The following DCDC2C variants were observed in gnomAD, a reference collection of about 807,000 sequenced individuals.
DCDC2C encodes doublecortin domain containing 2C.
DCDC2C carries 44 observed loss-of-function variants against 45.0 expected under a neutral mutation model. The observed-to-expected ratio is 0.98, with a 90% CI of 0.77 to 1.26. The LOEUF is 1.26. Ranked by LOEUF, DCDC2C falls within the 50% of genes most tolerant of loss-of-function variation. The probability of loss-of-function intolerance (pLI) is 0.00; values close to 1 mark genes in which losing one functional copy is unlikely to be tolerated. For synonymous variants in DCDC2C, 187 were observed against 178.8 expected (o/e 1.05, Z -0.37); for missense variants, 447 against 468.9 (o/e 0.95, Z 0.43).
At chr2:3,763,764 A>G (rs886631965) in intron 6 of DCDC2C, among the ~76,000 whole-genome samples, 1 of 152,186 alleles carries the variant, frequency 6.6e-6, no homozygotes, top group Non-Finnish European at 1.5e-5. Context: ...TGGGCTGGAC[A>G]CAAAACCAAG....
At position 3,837,622 on chromosome 2, in the gene DCDC2C, A is replaced by ATACAGAAACAAGAG. The variant is rs1558249632; in HGVS notation, c.1066-9532_1066-9531insTACAGAAACAAGAG. 1.6e-5 allele frequency among the ~76,000 whole-genome samples: 2 copies of ATACAGAAACAAGAG among 124,482 alleles called. 1 individual carries two copies. Among genetic ancestry groups the ATACAGAAACAAGAG allele is most frequent in the Non-Finnish European group, 3.7e-5 (2 of 53,998 alleles). 81.7% of individuals were successfully genotyped at this position (124,482 alleles called of 152,430 possible). ...TCATCTAAAGGGGAAGAAACTGAGG[A>ATACAGAAACAAGAG]AGAAATCAGCCTTTGGCTCCCCCTT... On this transcript the variant is annotated intron_variant, in intron 10 of 10. Coordinates refer to ENST00000399143, the MANE Select transcript of DCDC2C (RefSeq NM_001287444.2).
At chr2:3,768,033 A>G (rs915804816) in intron 7 of DCDC2C, among the ~76,000 whole-genome samples, 153 bp downstream of exon 7, 3 of 151,854 alleles carry the variant, frequency 2.0e-5, no homozygotes, top group African/African-American at 7.3e-5. Flanking sequence ...GCTTGTAGGT[A>G]GTTCAGTAGT....
intron 1 of DCDC2C, among the ~76,000 whole-genome samples, chr2:3,705,600 G>C (rs2148036168): frequency 6.6e-6 from 1 of 152,274 alleles, no homozygotes; most frequent in African/African-American, 2.4e-5. Flanking sequence ...TTACATGTTA[G>C]CAAATGAGGA....
intron 3 of DCDC2C, among the ~76,000 whole-genome samples, chr2:3,729,702 G>T (rs530878065): frequency 6.6e-6 from 1 of 152,338 alleles, no homozygotes; most frequent in East Asian, 1.9e-4. Flanking sequence ...AAACGTGTCT[G>T]CATGGCAAGA....
At chr2:3,756,423 G>A (rs967424695) in intron 6 of DCDC2C, among the ~76,000 whole-genome samples, 3 of 152,186 alleles carry the variant, frequency 2.0e-5, no homozygotes, top group African/African-American at 7.2e-5. Context: ...TTCTTTCCCA[G>A]TAACTAACAG....
chr2:3,819,849 C>T lies in DCDC2C; in HGVS notation c.1066-27305C>T, dbSNP rs114100004. On this transcript the variant is annotated intron_variant, in intron 10 of 10. Coordinates refer to ENST00000399143, the MANE Select transcript of DCDC2C (RefSeq NM_001287444.2). Reference sequence around the variant, plus strand: ...TGGGCAGGTGGGGGAGGGCTAGTCACGGGACGAAACTGTAAGCCAGACTGG... The same window carrying T: ...TGGGCAGGTGGGGGAGGGCTAGTCATGGGACGAAACTGTAAGCCAGACTGG... Among the ~76,000 whole-genome samples the T allele has an allele frequency of 9.3e-3, 1,410 of 152,268 alleles. 24 individuals carry two copies. The highest frequency in any genetic ancestry group is 0.031 in the African/African-American group (1,290 of 41,552).
At chr2:3,834,503 C>T (rs1233166130) in intron 10 of DCDC2C, among the ~76,000 whole-genome samples, 1 of 152,212 alleles carries the variant, frequency 6.6e-6, no homozygotes, top group East Asian at 1.9e-4. Flanking sequence ...CTCCAGACAT[C>T]TTTCTGCTCC....
At position 3,835,750 on chromosome 2, in the gene DCDC2C, C is replaced by CT. The variant is rs767073694; in HGVS notation, c.1066-11394dup. 9.9e-3 allele frequency among the ~76,000 whole-genome samples: 1,472 copies of CT among 148,294 alleles called. 22 individuals carry two copies. Among genetic ancestry groups the CT allele is most frequent in the Non-Finnish European group, 0.013 (865 of 66,690 alleles). On this transcript the variant is annotated intron_variant, in intron 10 of 10. Transcript: ENST00000399143. ...TAAAATAAAAGGTAAGGACAAGATC[C>CT]TTTTTTTTTTCGAGACAGCATCTGA...
chr2:3,835,219 T>C (rs995015695), intron 10 of DCDC2C, among the ~76,000 whole-genome samples: 14 of 152,328 alleles, frequency 9.2e-5, no homozygotes, highest in Middle Eastern at 3.4e-3. Context: ...ATGCGGGGCG[T>C]TCCCTTACTT....
At chr2:3,800,491 T>A (rs1393344924) in intron 10 of DCDC2C, among the ~76,000 whole-genome samples, 1 of 152,248 alleles carries the variant, frequency 6.6e-6, no homozygotes, top group Non-Finnish European at 1.5e-5. Context: ...TCTGGGAGAA[T>A]GCCTGCCAGC....
intron 10 of DCDC2C, among the ~76,000 whole-genome samples, chr2:3,808,600 C>T (rs1671314751): frequency 6.6e-6 from 1 of 152,164 alleles, no homozygotes; most frequent in South Asian, 2.1e-4. Context: ...CCGTGTTGGC[C>T]AGGATGGTCT....
intron 8 of DCDC2C, among the ~76,000 whole-genome samples, chr2:3,774,621 G>A (rs559511452): frequency 1.8e-4 from 27 of 152,316 alleles, no homozygotes; most frequent in African/African-American, 5.5e-4. Flanking sequence ...GAAAGCTGCC[G>A]CGTGTCTATG....
chr2:3,752,901 G>A lies in DCDC2C; in HGVS notation c.683+1G>A. ...CAAGGGTGCCCAGTGAGGTCCAACA[G>A]TGAGCATGCTTCGTACCTTTCTTTC... On this transcript the variant is annotated splice_donor_variant, in intron 5 of 10. Coordinates refer to ENST00000399143, the MANE Select transcript of DCDC2C (RefSeq NM_001287444.2). LOFTEE classifies it high-confidence loss of function. The A allele has an allele frequency of 6.4e-7, 1 of 1,550,410 alleles. No individual in the cohort carries two copies. The highest frequency in any genetic ancestry group is 1.2e-5 in the South Asian group (1 of 84,052).
intron 8 of DCDC2C, among the ~76,000 whole-genome samples, chr2:3,771,895 T>C (rs990926333): frequency 6.6e-6 from 1 of 152,226 alleles, no homozygotes; most frequent in Non-Finnish European, 1.5e-5. Flanking sequence ...GTGAGAACTT[T>C]CCAGGCCATT....
chr2:3,750,938 G>A (rs565800126), intron 4 of DCDC2C, among the ~76,000 whole-genome samples: 2 of 152,124 alleles, frequency 1.3e-5, no homozygotes, highest in South Asian at 2.1e-4. Context: ...TCCTCTAAGG[G>A]CATTCCTCAG....
intron 3 of DCDC2C, among the ~76,000 whole-genome samples, chr2:3,727,645 G>A (rs1668733441): frequency 6.6e-6 from 1 of 152,248 alleles, no homozygotes. Flanking sequence ...CTCAGTGGGA[G>A]GCACTGGGGA....
At chr2:3,769,200 C>T (rs1438239086) in intron 7 of DCDC2C, 111 bp from the exon 8 acceptor site, 2 of 1,008,854 alleles carry the variant, frequency 2.0e-6, no homozygotes, top group South Asian at 1.6e-5. Flanking sequence ...GGTGGCCTGC[C>T]CGAAGCTCCA....
chr2:3,703,581 G>A lies in DCDC2C; in HGVS notation c.-171G>A. 3 of 617,788 alleles carry A rather than the reference G, an allele frequency of 4.9e-6. No homozygotes were observed. The highest frequency in any genetic ancestry group is 4.1e-5 in the East Asian group (1 of 24,574). 38.3% of individuals were successfully genotyped at this position (617,788 alleles called of 1,614,324 possible). Reference sequence around the variant, plus strand: ...CAGCCTCCGCCCGCCTGGCAGCCCCGTCCCGTCCCCGTCCAGCCCCCGTCC... The same window carrying A: ...CAGCCTCCGCCCGCCTGGCAGCCCCATCCCGTCCCCGTCCAGCCCCCGTCC... On this transcript the variant is annotated 5_prime_UTR_variant, in exon 1 of 11. Transcript: ENST00000399143. This position sits in a 1 kb window ranked among gnomAD's most constrained non-coding sequence, Gnocchi z 4.4.
At chr2:3,711,466 A>G (rs1668207707) in intron 2 of DCDC2C, among the ~76,000 whole-genome samples, 1 of 152,228 alleles carries the variant, frequency 6.6e-6, no homozygotes, top group Non-Finnish European at 1.5e-5. Flanking sequence ...GCAGCCATAA[A>G]AAAAGAATAA....
Sources: gnomAD v4.1 joint callset for allele counts (sites outside exome capture counted in the v4.1 genomes callset) on GRCh38, gnomAD v4.1.1 for gene constraint, Gnocchi (gnomAD v3.1) non-coding constraint, MANE v1.5 for transcripts, NCBI Gene and HGNC (gene_info 2026-07-23, HGNC 2026-07-21) for gene names.